TDRD5: variants seen among roughly 807,000 people sequenced by gnomAD.
The protein encoded by TDRD5 is tudor domain-containing protein 5.
A neutral mutation model predicts 120.6 loss-of-function variants in TDRD5; 41 were observed. The ratio of observed to expected loss-of-function variants is 0.34; its 90% CI spans 0.26 to 0.44. The LOEUF is 0.44. Ranked by LOEUF, TDRD5 falls within the 20% of genes least tolerant of loss-of-function variation. The pLI is 1.00. For missense variants in TDRD5, 1,006 were observed against 1,221.2 expected, an observed-to-expected ratio of 0.82 and a Z score of 2.63; for synonymous variants, 430 against 433.7, an observed-to-expected ratio of 0.99 and a Z score of 0.11.
At chr1:179,618,762 A>G in intron 5 of TDRD5, 80 bp downstream of exon 5, 1 of 1,038,162 alleles carries the variant, frequency 9.6e-7, no homozygotes, top group Non-Finnish European at 1.3e-6. Context: ...TTTGTCTGCA[A>G]GTATTAATTT....
At chr1:179,611,472 C>T (rs1338023974) in intron 4 of TDRD5, among the ~76,000 whole-genome samples, 1 of 152,080 alleles carries the variant, frequency 6.6e-6, no homozygotes, top group African/African-American at 2.4e-5. Flanking sequence ...CAATAGTTTT[C>T]CCATAGGTTT....
chr1:179,622,450 A>G (rs1354676675), intron 6 of TDRD5, among the ~76,000 whole-genome samples: 6 of 152,212 alleles, frequency 3.9e-5, no homozygotes, highest in African/African-American at 7.2e-5. Context: ...AAGGTGATCA[A>G]TGGAAATTCT....
At chr1:179,671,949 G>GGTGTGT (rs111855083) in intron 17 of TDRD5, among the ~76,000 whole-genome samples, 1,488 of 141,772 alleles carry the variant, frequency 0.01, 11 homozygotes, top group African/African-American at 0.016. Flanking sequence ...AATATTCCAT[G>GGTGTGT]GTGTGTGTGT....
rs370487353 is a variant in TDRD5, at chr1:179,677,256, T to G, written c.2860+7852T>G. On this transcript the variant is annotated intron_variant, in intron 17 of 17. Coordinates refer to ENST00000444136, the MANE Select transcript of TDRD5 (RefSeq NM_001199085.3). Reference sequence around the variant, plus strand: ...ACTGAAGAATTTTTCTTTCATATCCTGTATCATGTTTTTGATTTCTTTAAG... The same window carrying G: ...ACTGAAGAATTTTTCTTTCATATCCGGTATCATGTTTTTGATTTCTTTAAG... Among the ~76,000 whole-genome samples the G allele has an allele frequency of 2.0e-5, 3 of 152,140 alleles. No individual in the cohort carries two copies. In the East Asian group the frequency reaches 5.8e-4, roughly 29 times the overall value.
intron 10 of TDRD5, 111 bp from the exon 11 acceptor site, chr1:179,640,265 CGAT>C (rs1001574657): frequency 5.7e-6 from 7 of 1,230,206 alleles, no homozygotes; most frequent in African/African-American, 4.5e-5. Context: ...TTTGAATGGA[CGAT>C]GAGATTACGT....
At chr1:179,610,551 C>A (rs1244061521) in intron 4 of TDRD5, among the ~76,000 whole-genome samples, 1 of 151,948 alleles carries the variant, frequency 6.6e-6, no homozygotes. Context: ...CTTTTTTTTC[C>A]ATACTTTCTA....
chr1:179,601,387 C>G (rs1572330567), intron 4 of TDRD5, among the ~76,000 whole-genome samples: 2 of 152,180 alleles, frequency 1.3e-5, no homozygotes, highest in East Asian at 3.9e-4. Context: ...ATACACTGCA[C>G]CCTATTTGTA....
intron 16 of TDRD5, among the ~76,000 whole-genome samples, chr1:179,664,966 G>A (rs2147767806): frequency 6.6e-6 from 1 of 152,132 alleles, no homozygotes; most frequent in East Asian, 1.9e-4. Flanking sequence ...CTTATTGCCT[G>A]TTCTTTTGAT....
chr1:179,620,964 T>G, intron 5 of TDRD5, 71 bp from the exon 6 acceptor site: 1 of 1,188,140 alleles, frequency 8.4e-7, no homozygotes, highest in Non-Finnish European at 1.2e-6. Flanking sequence ...GTTATTTGTT[T>G]ATATTATTTT....
At chr1:179,669,432 C>A in intron 17 of TDRD5, 28 bp downstream of exon 17, 3 of 1,610,496 alleles carry the variant, frequency 1.9e-6, no homozygotes, top group South Asian at 2.2e-5. Context: ...TGTGCATGCT[C>A]ACAGTTGACA....
chr1:179,622,833 T>A (rs1484743710), intron 6 of TDRD5, among the ~76,000 whole-genome samples: 1 of 152,046 alleles, frequency 6.6e-6, no homozygotes, highest in Non-Finnish European at 1.5e-5. Context: ...AGAAATATAT[T>A]TGAAAAAATA....
chr1:179,627,654 C>T (rs902407896), intron 6 of TDRD5, among the ~76,000 whole-genome samples: 3 of 152,090 alleles, frequency 2.0e-5, no homozygotes, highest in Admixed American at 6.5e-5. Context: ...TAGGAATTCA[C>T]TTGAAGAATT....
At chr1:179,689,774 C>T (rs1399252516) in intron 17 of TDRD5, among the ~76,000 whole-genome samples, 1 of 152,222 alleles carries the variant, frequency 6.6e-6, no homozygotes, top group Non-Finnish European at 1.5e-5. Flanking sequence ...CCCCCAGCCT[C>T]ACTGCCACCT....
intron 17 of TDRD5, among the ~76,000 whole-genome samples, chr1:179,680,076 T>C (rs1193214627): frequency 3.3e-5 from 5 of 152,166 alleles, no homozygotes; most frequent in African/African-American, 1.2e-4. Context: ...ACCTATTGGT[T>C]ATCTAGAATT....
At chr1:179,613,979 A>G (rs1676425451) in intron 4 of TDRD5, among the ~76,000 whole-genome samples, 2 of 152,198 alleles carry the variant, frequency 1.3e-5, no homozygotes, top group Non-Finnish European at 2.9e-5. Flanking sequence ...TTCATCTGAG[A>G]TGTGACTTCT....
intron 7 of TDRD5, among the ~76,000 whole-genome samples, 170 bp from the exon 8 acceptor site, chr1:179,634,287 A>G (rs964461594): frequency 6.6e-6 from 1 of 152,160 alleles, no homozygotes; most frequent in Non-Finnish European, 1.5e-5. Flanking sequence ...TGCCACACTG[A>G]AAGGTCTGCA....
intron 7 of TDRD5, among the ~76,000 whole-genome samples, chr1:179,631,917 T>C (rs1677477642): frequency 6.6e-6 from 1 of 150,584 alleles, no homozygotes; most frequent in African/African-American, 2.4e-5. Context: ...CTTTTCTTTT[T>C]TTTTTTTGAG....
chr1:179,635,566 T>A (rs1677718094), intron 8 of TDRD5, 101 bp from the exon 9 acceptor site: 4 of 1,083,280 alleles, frequency 3.7e-6, no homozygotes, highest in Non-Finnish European at 5.2e-6. Flanking sequence ...ATTTCCCAAG[T>A]GATTCTGATA....
intron 16 of TDRD5, 23 bp downstream of exon 16, chr1:179,663,514 T>C: frequency 6.3e-7 from 1 of 1,590,110 alleles, no homozygotes; most frequent in Non-Finnish European, 8.5e-7. Context: ...TGCAGGTTAT[T>C]GGGACAGGTT....
Sources: allele counts gnomAD v4.1 joint callset (sites outside exome capture counted in the v4.1 genomes callset), GRCh38; gene constraint gnomAD v4.1.1; transcripts MANE v1.5; gene names NCBI Gene and HGNC (gene_info 2026-07-23, HGNC 2026-07-21).